The following PRKG1 variants were observed in gnomAD, a reference collection of about 807,000 sequenced individuals.
PRKG1 encodes cGMP-dependent protein kinase 1.
PRKG1 carries 35 observed loss-of-function variants against 88.1 expected under a neutral mutation model. The ratio of observed to expected loss-of-function variants is 0.40; its 90% CI spans 0.30 to 0.53. The LOEUF is 0.53. Among genes scored for constraint, PRKG1 ranks in the 20% least tolerant of loss-of-function variants. PRKG1 has a pLI of 0.59. For missense variants in PRKG1, 540 were observed against 839.8 expected (o/e 0.64, Z 4.41); for synonymous variants, 303 against 292.5 (o/e 1.04, Z -0.37).
intron 2 of PRKG1, among the ~76,000 whole-genome samples, chr10:51,443,861 C>A (rs1417377025): frequency 6.6e-6 from 1 of 152,016 alleles, no homozygotes; most frequent in Non-Finnish European, 1.5e-5. Flanking sequence ...CACTTGATAA[C>A]TGTTGCACAT....
At chr10:51,036,287 T>G (rs758615345) in intron 1 of PRKG1, among the ~76,000 whole-genome samples, 4 of 152,190 alleles carry the variant, frequency 2.6e-5, no homozygotes, top group Non-Finnish European at 5.9e-5. Context: ...GTATACTGCT[T>G]GGCTGGTAAA....
At chr10:51,885,683 GT>G (rs1841549580) in intron 4 of PRKG1, among the ~76,000 whole-genome samples, 1 of 152,086 alleles carries the variant, frequency 6.6e-6, no homozygotes, top group African/African-American at 2.4e-5. Context: ...ATTATACTCT[GT>G]TCCCAGTTCT....
intron 9 of PRKG1, among the ~76,000 whole-genome samples, chr10:52,225,641 TC>T (rs1261546884): frequency 6.6e-6 from 1 of 152,220 alleles, no homozygotes; most frequent in Non-Finnish European, 1.5e-5. Context: ...AAGCCCTTAA[TC>T]CATCTTGAGT....
intron 14 of PRKG1, among the ~76,000 whole-genome samples, chr10:52,287,737 C>T (rs566763775): frequency 2.0e-5 from 3 of 150,892 alleles, no homozygotes; most frequent in Non-Finnish European, 2.9e-5. Context: ...AGATCTGGCT[C>T]ATGAGGGCTG....
At chr10:51,009,389 G>T (rs1842969617) in intron 1 of PRKG1, among the ~76,000 whole-genome samples, 1 of 152,146 alleles carries the variant, frequency 6.6e-6, no homozygotes, top group South Asian at 2.1e-4. Flanking sequence ...TTTAAAAGTA[G>T]AATTTAAATA....
chr10:51,324,108 T>C (rs1222844305), intron 2 of PRKG1, among the ~76,000 whole-genome samples: 1 of 152,216 alleles, frequency 6.6e-6, no homozygotes, highest in Non-Finnish European at 1.5e-5. Context: ...TTGGGAATAT[T>C]ACAATTCTTC....
intron 11 of PRKG1, 100 bp downstream of exon 11, chr10:52,271,589 G>C: frequency 7.9e-7 from 1 of 1,260,700 alleles, no homozygotes. Flanking sequence ...CATTTCGTAT[G>C]CACAAAGAAA....
Position 51,035,757 on chromosome 10 carries a change from C to T in PRKG1, c.266+44113C>T, listed in dbSNP as rs558054790. On this transcript the variant is annotated intron_variant, in intron 1 of 17. Transcript: ENST00000401604. ...GCACTTGTGGATCATTTGGAAACAACGGAGCTTAAAAAAACTACAAGCTTA... is the reference window on the plus strand; with the variant it reads ...GCACTTGTGGATCATTTGGAAACAATGGAGCTTAAAAAAACTACAAGCTTA... Among the ~76,000 whole-genome samples the T allele has an allele frequency of 3.3e-5, 5 of 152,116 alleles. No homozygotes were observed. The South Asian group carries it at 6.2e-4, about 19-fold the overall frequency.
At chr10:50,997,493 G>C (rs2132711577) in intron 1 of PRKG1, among the ~76,000 whole-genome samples, 1 of 152,188 alleles carries the variant, frequency 6.6e-6, no homozygotes, top group East Asian at 1.9e-4. Flanking sequence ...CTGTTTCCTA[G>C]TGCCCTCTCA....
At chr10:51,121,045 TC>T (rs904199840) in intron 1 of PRKG1, among the ~76,000 whole-genome samples, 21 of 152,246 alleles carry the variant, frequency 1.4e-4, no homozygotes, top group African/African-American at 4.8e-4. Context: ...CTTGGCCCCA[TC>T]CCATCTTCAA....
chr10:51,997,937 G>C (rs1844493614), intron 5 of PRKG1, among the ~76,000 whole-genome samples: 2 of 151,902 alleles, frequency 1.3e-5, no homozygotes, highest in Non-Finnish European at 1.5e-5. Flanking sequence ...ACGTTGAATA[G>C]AGGTGGTGAT....
chr10:51,962,371 G>A (rs1427604126), intron 5 of PRKG1, among the ~76,000 whole-genome samples: 1 of 150,066 alleles, frequency 6.7e-6, no homozygotes. Flanking sequence ...CTTACCCAAA[G>A]ATGGGTAGAC....
chr10:51,706,215 CT>C (rs1043576035), intron 3 of PRKG1, among the ~76,000 whole-genome samples: 6 of 152,282 alleles, frequency 3.9e-5, no homozygotes, highest in East Asian at 3.9e-4. Context: ...TGGTATATAA[CT>C]TTTTTTCCCA....
At chr10:51,007,547 A>G (rs1842953368) in intron 1 of PRKG1, among the ~76,000 whole-genome samples, 2 of 152,224 alleles carry the variant, frequency 1.3e-5, no homozygotes, top group Admixed American at 1.3e-4. Context: ...CAGCTGTAGA[A>G]TATAAAGGCT....
In PRKG1 at chr10:51,670,753, T is replaced by A. The variant is rs527498196; in HGVS notation, c.593-133832T>A. 3.5e-3 allele frequency among the ~76,000 whole-genome samples: 254 copies of A among 73,590 alleles called. 6 individuals carry two copies. The highest frequency in any genetic ancestry group is 0.018 in the Middle Eastern group (3 of 168). The allele number at this position is 73,590 out of a possible 152,430, so 48.3% of individuals were successfully genotyped here. ...TCCGTCTCAAAAAAAAATAAATAAA[T>A]AAATAAATAAATAAATAAATAAATA... On this transcript the variant is annotated intron_variant, in intron 3 of 17. Coordinates refer to ENST00000373980, the MANE Select transcript of PRKG1 (RefSeq NM_006258.4).
At position 51,299,704 on chromosome 10, in the gene PRKG1, T is replaced by C. The variant is rs535523597; in HGVS notation, c.478+146374T>C. The C allele has an allele frequency of 4.6e-5, 20 of 439,068 alleles. No homozygotes were observed. In the East Asian group the frequency reaches 1.4e-3, roughly 32 times the overall value. 27.2% of individuals were successfully genotyped at this position (439,068 alleles called of 1,614,324 possible). A position where few individuals can be genotyped will look rare whatever the true frequency, so the allele number is the denominator to read the frequency against. Reference sequence around the variant, plus strand: ...TTACAGGCTGACAGCCACAGGTATATTGCTCTCTGCACATGTGTTTTTTCC... The same window carrying C: ...TTACAGGCTGACAGCCACAGGTATACTGCTCTCTGCACATGTGTTTTTTCC... On this transcript the variant is annotated intron_variant, in intron 2 of 17. Coordinates refer to ENST00000373980, the MANE Select transcript of PRKG1 (RefSeq NM_006258.4).
At chr10:51,334,785 G>C (rs1841831492) in intron 2 of PRKG1, among the ~76,000 whole-genome samples, 1 of 152,132 alleles carries the variant, frequency 6.6e-6, no homozygotes, top group African/African-American at 2.4e-5. Context: ...AGTTAAAGAA[G>C]CTTAAACAGG....
At chr10:51,567,490 T>C (rs1230955744) in intron 3 of PRKG1, among the ~76,000 whole-genome samples, 1 of 152,118 alleles carries the variant, frequency 6.6e-6, no homozygotes, top group Non-Finnish European at 1.5e-5. Flanking sequence ...GGGAGTTTAC[T>C]TGGCAAAGTA....
chr10:51,525,323 A>T (rs1207498625), intron 3 of PRKG1, among the ~76,000 whole-genome samples: 1 of 152,224 alleles, frequency 6.6e-6, no homozygotes, highest in East Asian at 1.9e-4. Context: ...TTAGAGAACA[A>T]GAACGTGTTT....
Sources: gnomAD v4.1 joint callset for allele counts (sites outside exome capture counted in the v4.1 genomes callset) on GRCh38, gnomAD v4.1.1 for gene constraint, MANE v1.5 for transcripts, NCBI Gene and HGNC (gene_info 2026-07-23, HGNC 2026-07-21) for gene names.